RFC1: variants seen among roughly 807,000 people sequenced by gnomAD.
RFC1 encodes the protein A1 140 kDa subunit.
A neutral mutation model predicts 137.4 loss-of-function variants in RFC1; 37 were observed. The ratio of observed to expected loss-of-function variants is 0.27; its 90% confidence interval spans 0.21 to 0.35. The LOEUF (loss-of-function observed/expected upper bound fraction) is 0.35, where lower values mean the gene tolerates loss of function less well. RFC1 is among the 10% of genes least tolerant of loss of function. The pLI, the probability that RFC1 is intolerant of heterozygous loss-of-function variation, is 1.00. For synonymous variants in RFC1, 429 were observed against 455.7 expected, an observed-to-expected ratio of 0.94 and a Z score of 0.75; for missense variants, 1,205 against 1,358.5, an observed-to-expected ratio of 0.89 and a Z score of 1.78.
At chr4:39,341,526 G>A (rs1324406197) in intron 4 of RFC1, 2 of 435,790 alleles carry the variant, frequency 4.6e-6, no homozygotes, top group Non-Finnish European at 9.2e-6. Flanking sequence ...ATCAACAAAT[G>A]TTTCACGTAA....
chr4:39,346,169 T>A, intron 2 of RFC1, among the ~76,000 whole-genome samples: 1 of 152,214 alleles, frequency 6.6e-6, no homozygotes. Context: ...CACTAGCCAA[T>A]GCCTGTTAGG....
At chr4:39,333,811 T>C (rs1740225239) in intron 4 of RFC1, among the ~76,000 whole-genome samples, 1 of 152,166 alleles carries the variant, frequency 6.6e-6, no homozygotes, top group African/African-American at 2.4e-5. Context: ...AAATGTACTA[T>C]AGCTAAACAC....
chr4:39,331,980 T>C (rs1480069676), intron 4 of RFC1, among the ~76,000 whole-genome samples: 2 of 152,148 alleles, frequency 1.3e-5, no homozygotes, highest in East Asian at 3.8e-4. Context: ...CCTGCGCTGT[T>C]CTCGTGATAG....
chr4:39,366,223 T>A lies in RFC1; in HGVS notation c.3+16A>T. ...CCCCCAGACCCCGAGCCGCACGGCC[T>A]CCCCCAGCGGCTCACCATCGCAGCC... On this transcript the variant is annotated intron_variant, in intron 1 of 24. Transcript: ENST00000349703. 1 of 1,552,364 alleles carries A rather than the reference T, an allele frequency of 6.4e-7. No homozygotes were observed. The highest frequency in any genetic ancestry group is 1.9e-5 in the Admixed American group (1 of 52,412).
intron 10 of RFC1, among the ~76,000 whole-genome samples, chr4:39,313,900 AAG>A (rs1286105769): frequency 6.6e-6 from 1 of 152,200 alleles, no homozygotes; most frequent in Non-Finnish European, 1.5e-5. Flanking sequence ...ATACTTGCCA[AAG>A]AGAGCTGGAT....
At chr4:39,288,884 T>TAATC in intron 24 of RFC1, 40 bp from the exon 25 acceptor site, 1 of 1,219,970 alleles carries the variant, frequency 8.2e-7, no homozygotes, top group African/African-American at 1.5e-5. Flanking sequence ...ATAGCTGTGT[T>TAATC]TATGAGTAAA....
intron 19 of RFC1, among the ~76,000 whole-genome samples, chr4:39,301,353 T>C (rs1002338705): frequency 6.6e-6 from 1 of 152,200 alleles, no homozygotes; most frequent in African/African-American, 2.4e-5. Flanking sequence ...TGTATGATAC[T>C]ACAATGGTGA....
chr4:39,340,274 A>G (rs891049795), intron 4 of RFC1, among the ~76,000 whole-genome samples: 4 of 152,232 alleles, frequency 2.6e-5, no homozygotes, highest in Non-Finnish European at 4.4e-5. Context: ...ATGAAGAAAA[A>G]ATTCTATCTT....
rs989070824 is a variant in RFC1, at chr4:39,308,711, C to T, written c.1810G>A (p.Asp604Asn). Residue 604 changes from aspartate (D) to asparagine (N), a missense_variant, in exon 13 of 25, where the codon GAC (aspartate) becomes AAC (asparagine). This residue lies in a region of RFC1 where 962 missense variants were observed against 1,035.3 expected (regional missense o/e 0.93). Transcript: ENST00000349703. ...SLKTIIGQQG[D>N]QSCANKLLRW... is the part of the protein sequence containing the mutation. ...AGGAGTTTGTTGGCACAGCTCTGGT[C>T]ACCTTGCTGTCCAATTATGGTCTTG... 1.9e-6 allele frequency: 3 copies of T among 1,614,172 alleles called. No individual in the cohort carries two copies. The Admixed American group carries it at 5.0e-5, about 27-fold the overall frequency.
chr4:39,334,263 A>G (rs906421519), intron 4 of RFC1, among the ~76,000 whole-genome samples: 2 of 152,210 alleles, frequency 1.3e-5, no homozygotes, highest in African/African-American at 2.4e-5. Flanking sequence ...CCACAGGCAT[A>G]TCTGAAAACA....
chr4:39,295,450 A>C (rs183319364), intron 22 of RFC1, among the ~76,000 whole-genome samples, 164 bp downstream of exon 22: 20 of 152,338 alleles, frequency 1.3e-4, no homozygotes, highest in Admixed American at 5.9e-4. Context: ...ACAGATGATA[A>C]AACTCAGGCC....
intron 12 of RFC1, among the ~76,000 whole-genome samples, chr4:39,310,727 T>C (rs17335146): frequency 9.2e-5 from 14 of 152,350 alleles, no homozygotes; most frequent in Non-Finnish European, 1.9e-4. Context: ...TAATACAGGC[T>C]AGGTGTCTGC....
intron 1 of RFC1, 27 bp from the exon 2 acceptor site, chr4:39,351,503 G>T (rs1353110988): frequency 6.6e-7 from 1 of 1,505,900 alleles, no homozygotes; most frequent in South Asian, 1.3e-5. Context: ...GGAGATTCAC[G>T]AATAAACATT....
At chr4:39,327,474 G>T in intron 5 of RFC1, 50 bp downstream of exon 5, 1 of 1,155,916 alleles carries the variant, frequency 8.7e-7, no homozygotes, top group Non-Finnish European at 1.2e-6. Flanking sequence ...GTTAATATTA[G>T]TGAATGGGTA....
At chr4:39,339,339 C>T (rs1356180080) in intron 4 of RFC1, among the ~76,000 whole-genome samples, 1 of 152,088 alleles carries the variant, frequency 6.6e-6, no homozygotes, top group African/African-American at 2.4e-5. Context: ...TCCAAAATGG[C>T]TGCACCAATC....
chr4:39,326,919 A>C lies in RFC1; in HGVS notation c.565-279T>G, dbSNP rs138380364. The stretch of plus-strand genomic sequence containing the variant: ...AAAATAAAAAAACCCAATCCTGTAG[A>C]TTAATGTCTTGGCTTGACAAGTAGC... On this transcript the variant is annotated intron_variant, in intron 5 of 24. Transcript: ENST00000349703. Among the ~76,000 whole-genome samples the C allele has an allele frequency of 4.2e-3, 643 of 152,370 alleles. 2 individuals are homozygous for C. Among genetic ancestry groups the C allele is most frequent in the Middle Eastern group, 0.041 (12 of 292 alleles).
intron 1 of RFC1, among the ~76,000 whole-genome samples, chr4:39,360,302 A>T (rs2109779897): frequency 6.6e-6 from 1 of 152,128 alleles, no homozygotes; most frequent in East Asian, 1.9e-4. Context: ...GGAGTTTGAG[A>T]ACAGCCTGGC....
intron 12 of RFC1, among the ~76,000 whole-genome samples, chr4:39,309,633 A>T (rs977258096): frequency 1.3e-5 from 2 of 152,216 alleles, no homozygotes; most frequent in Non-Finnish European, 2.9e-5. Context: ...AGGAAAATCC[A>T]TAGAGACAGA....
At chr4:39,308,543 T>C (rs1738798676) in intron 13 of RFC1, 93 bp downstream of exon 13, 2 of 1,485,976 alleles carry the variant, frequency 1.3e-6, no homozygotes, top group South Asian at 1.3e-5. Context: ...TGCTGACAGA[T>C]GAATGAATCG....
Sources: gnomAD v4.1 joint callset for allele counts (sites outside exome capture counted in the v4.1 genomes callset) on GRCh38, gnomAD v4.1.1 for gene constraint, gnomAD v4.1.1 regional missense constraint, MANE v1.5 for transcripts, NCBI Gene and HGNC (gene_info 2026-07-23, HGNC 2026-07-21) for gene names.